NKAIN3: variants seen among roughly 807,000 people sequenced by gnomAD.
The protein encoded by NKAIN3 is sodium/potassium-transporting ATPase subunit beta-1-interacting protein 3.
A neutral mutation model predicts 30.2 loss-of-function variants in NKAIN3; 25 were observed. The observed-to-expected ratio is 0.83, with a 90% confidence interval of 0.60 to 1.16. The LOEUF (loss-of-function observed/expected upper bound fraction) is 1.16, where lower values mean the gene tolerates loss of function less well. Ranked by LOEUF, NKAIN3 falls within the 50% of genes most tolerant of loss-of-function variation. The pLI, the probability that NKAIN3 is intolerant of heterozygous loss-of-function variation, is 0.00. For missense variants in NKAIN3, 225 were observed against 254.1 expected, an observed-to-expected ratio of 0.89 and a Z score of 0.78; for synonymous variants, 91 against 89.6, an observed-to-expected ratio of 1.02 and a Z score of -0.09.
rs189169667 is a variant in NKAIN3 at position 62,784,931 on chromosome 8, G to A, written c.471+37802G>A. 2.8e-3 allele frequency among the ~76,000 whole-genome samples: 419 copies of A among 152,162 alleles called. 3 individuals carry two copies. Among genetic ancestry groups the A allele is most frequent in the African/African-American group, 9.7e-3 (404 of 41,522 alleles). On this transcript the variant is annotated intron_variant, in intron 4 of 6. Transcript: ENST00000623646. Reference sequence around the variant, plus strand: ...ATAGTCACTTCACACCCACTAATTGGGCTATGATTTAAAAAGACAGACAGT... The same window carrying A: ...ATAGTCACTTCACACCCACTAATTGAGCTATGATTTAAAAAGACAGACAGT...
chr8:62,947,290 G>C (rs1823153106), intron 5 of NKAIN3, among the ~76,000 whole-genome samples: 1 of 152,148 alleles, frequency 6.6e-6, no homozygotes. Context: ...CTTGCTCAGT[G>C]CCTAGGACTT....
rs536911478 is a variant in NKAIN3 at position 62,298,425 on chromosome 8, G to A, written c.54+49298G>A. Among the ~76,000 whole-genome samples the A allele has an allele frequency of 6.6e-5, 10 of 152,070 alleles. No homozygotes were observed. In the East Asian group the frequency reaches 7.7e-4, roughly 12 times the overall value. On this transcript the variant is annotated intron_variant, in intron 1 of 6. Transcript: ENST00000623646. Reference sequence around the variant, plus strand: ...AACTACTTCCCACCATAATTAAGACGGTAGGCCCCAGTATCAACCCTACCA... The same window carrying A: ...AACTACTTCCCACCATAATTAAGACAGTAGGCCCCAGTATCAACCCTACCA...
At chr8:62,829,786 C>A (rs971818081) in intron 4 of NKAIN3, among the ~76,000 whole-genome samples, 9 of 149,906 alleles carry the variant, frequency 6.0e-5, no homozygotes, top group African/African-American at 2.2e-4. Context: ...AAAAGGAAAG[C>A]CATTTAAAAG....
intron 1 of NKAIN3, among the ~76,000 whole-genome samples, chr8:62,515,899 T>G (rs1446526947): frequency 6.6e-6 from 1 of 152,172 alleles, no homozygotes; most frequent in African/African-American, 2.4e-5. Flanking sequence ...TTGCTTATTT[T>G]TCTATTGTGT....
intron 3 of NKAIN3, among the ~76,000 whole-genome samples, chr8:62,602,238 A>T (rs1249270727): frequency 6.6e-6 from 1 of 152,106 alleles, no homozygotes; most frequent in African/African-American, 2.4e-5. Flanking sequence ...ATATTATTCT[A>T]TCAACAGTAG....
chr8:62,260,324 T>G (rs534329056), intron 1 of NKAIN3, among the ~76,000 whole-genome samples: 21 of 152,170 alleles, frequency 1.4e-4, no homozygotes, highest in Non-Finnish European at 3.1e-4. Context: ...TTTCCTGTGC[T>G]GGTAACTAGC....
chr8:62,916,769 C>T (rs186308129), intron 4 of NKAIN3, among the ~76,000 whole-genome samples: 3 of 152,070 alleles, frequency 2.0e-5, no homozygotes, highest in South Asian at 4.2e-4. Flanking sequence ...TGTTCCTCTG[C>T]GTTATCGTGG....
intron 1 of NKAIN3, among the ~76,000 whole-genome samples, chr8:62,514,036 A>G (rs1214675448): frequency 6.6e-6 from 1 of 152,066 alleles, no homozygotes; most frequent in South Asian, 2.1e-4. Flanking sequence ...GTAGGGCTCA[A>G]TGTGAAATGT....
intron 1 of NKAIN3, among the ~76,000 whole-genome samples, chr8:62,338,715 C>G (rs1022182648): frequency 6.6e-6 from 1 of 151,938 alleles, no homozygotes; most frequent in African/African-American, 2.4e-5. Context: ...AGCTGAAGAA[C>G]TTGGAGTCCA....
chr8:62,260,131 G>A (rs1157182106), intron 1 of NKAIN3, among the ~76,000 whole-genome samples: 1 of 151,958 alleles, frequency 6.6e-6, no homozygotes, highest in Non-Finnish European at 1.5e-5. Flanking sequence ...CAGGGGTGAC[G>A]ATAAGTCATA....
chr8:62,613,591 C>A (rs1237793032), intron 3 of NKAIN3, among the ~76,000 whole-genome samples: 1 of 151,956 alleles, frequency 6.6e-6, no homozygotes, highest in Non-Finnish European at 1.5e-5. Context: ...TGTTATTATC[C>A]TTTTGAGTAA....
chr8:62,472,029 A>T (rs1173544487), intron 1 of NKAIN3, among the ~76,000 whole-genome samples: 1 of 13,204 alleles, frequency 7.6e-5, no homozygotes, highest in South Asian at 1.8e-3. Context: ...GACTCTGTTT[A>T]AAAAAAAAAA....
Position 62,978,940 on chromosome 8 carries a change from C to G in NKAIN3, c.*13533C>G, listed in dbSNP as rs928646924. The G allele has an allele frequency of 4.6e-5, 7 of 153,156 alleles. No individual in the cohort carries two copies. The highest frequency in any genetic ancestry group is 1.0e-4 in the Non-Finnish European group (7 of 68,214). The allele number at this position is 153,156 out of a possible 1,614,324, so 9.5% of individuals were successfully genotyped here. On this transcript the variant is annotated 3_prime_UTR_variant, in exon 7 of 7. Coordinates refer to ENST00000623646, the MANE Select transcript of NKAIN3 (RefSeq NM_001304533.3). ...GTGCACCCCCACTCACGGCATGGTC[C>G]CTCATGGCTTCCCTTGGCTAGGGGA...
At chr8:62,986,901 A>G (rs974182206), downstream of NKAIN3, among the ~76,000 whole-genome samples, 2 of 152,188 alleles carry the variant, frequency 1.3e-5, no homozygotes, top group African/African-American at 4.8e-5. Context: ...GACCCAACAT[A>G]GGTTATCAGC....
chr8:62,936,139 C>T (rs1158390929), intron 5 of NKAIN3, among the ~76,000 whole-genome samples: 1 of 152,120 alleles, frequency 6.6e-6, no homozygotes, highest in East Asian at 1.9e-4. Flanking sequence ...AATGCTTCTT[C>T]CTCATGGTAG....
chr8:62,931,101 T>C (rs1351709482), intron 5 of NKAIN3, among the ~76,000 whole-genome samples: 2 of 152,240 alleles, frequency 1.3e-5, no homozygotes, highest in African/African-American at 4.8e-5. Flanking sequence ...ACATTTAACA[T>C]GAATTCATTG....
chr8:62,729,609 T>A (rs1815404420), intron 3 of NKAIN3, among the ~76,000 whole-genome samples: 1 of 151,986 alleles, frequency 6.6e-6, no homozygotes, highest in South Asian at 2.1e-4. Flanking sequence ...TATGATATAT[T>A]ATATATATAG....
intron 4 of NKAIN3, among the ~76,000 whole-genome samples, chr8:62,774,453 G>C (rs1282076538): frequency 6.6e-6 from 1 of 152,108 alleles, no homozygotes; most frequent in Non-Finnish European, 1.5e-5. Flanking sequence ...TTGAATTACA[G>C]TGGTGAAAGT....
chr8:62,433,196 T>G (rs1259755949), intron 1 of NKAIN3, among the ~76,000 whole-genome samples: 10 of 152,168 alleles, frequency 6.6e-5, no homozygotes, highest in African/African-American at 2.4e-4. Flanking sequence ...TTAAAGGATA[T>G]TTACTGCTAA....
Sources: gnomAD v4.1 joint callset for allele counts (sites outside exome capture counted in the v4.1 genomes callset) on GRCh38, gnomAD v4.1.1 for gene constraint, MANE v1.5 for transcripts, NCBI Gene and HGNC (gene_info 2026-07-23, HGNC 2026-07-21) for gene names.